Variants in MRPS31 observed in about 807,000 individuals in gnomAD.
The protein encoded by MRPS31 is small ribosomal subunit protein mS31.
In MRPS31, 32 loss-of-function variants were observed where a neutral mutation model predicts 43.1. The ratio of observed to expected loss-of-function variants is 0.74; its 90% CI spans 0.56 to 1.00. MRPS31 has a LOEUF of 1.00. MRPS31 is among the 50% of genes least tolerant of loss of function. MRPS31 has a pLI of 0.00. For synonymous variants in MRPS31, 165 were observed against 161.6 expected, an observed-to-expected ratio of 1.02 and a Z score of -0.16; for missense variants, 437 against 466.7, an observed-to-expected ratio of 0.94 and a Z score of 0.59.
At chr13:40,764,550 G>A (rs960505513) in intron 2 of MRPS31, among the ~76,000 whole-genome samples, 6 of 152,010 alleles carry the variant, frequency 3.9e-5, no homozygotes, top group South Asian at 2.1e-4. Flanking sequence ...GGGTAAACAC[G>A]GTAATGTCCA....
intron 6 of MRPS31, among the ~76,000 whole-genome samples, chr13:40,735,356 G>T (rs1879861288): frequency 6.6e-6 from 1 of 152,210 alleles, no homozygotes; most frequent in African/African-American, 2.4e-5. Flanking sequence ...GCTGCGGGAG[G>T]GGCGCCCACC....
intron 6 of MRPS31, among the ~76,000 whole-genome samples, chr13:40,737,162 A>C (rs1314243761): frequency 6.6e-6 from 1 of 150,572 alleles, no homozygotes; most frequent in Non-Finnish European, 1.5e-5. Context: ...CTTTAAACCA[A>C]CAAAGATCAA....
At chr13:40,751,158 G>A (rs1880380771) in intron 5 of MRPS31, among the ~76,000 whole-genome samples, 1 of 152,038 alleles carries the variant, frequency 6.6e-6, no homozygotes, top group Non-Finnish European at 1.5e-5. Context: ...ATCTGATACT[G>A]GGAAACAATC....
intron 6 of MRPS31, among the ~76,000 whole-genome samples, chr13:40,741,742 T>C (rs1032934072): frequency 6.6e-6 from 1 of 152,176 alleles, no homozygotes; most frequent in Non-Finnish European, 1.5e-5. Flanking sequence ...GGATCTACTA[T>C]AGCTCCATCA....
intron 6 of MRPS31, among the ~76,000 whole-genome samples, chr13:40,745,280 T>G (rs1334723056): frequency 6.6e-6 from 1 of 152,130 alleles, no homozygotes; most frequent in Non-Finnish European, 1.5e-5. Context: ...GAGACGGAGT[T>G]TCACTCTTGT....
intron 6 of MRPS31, among the ~76,000 whole-genome samples, chr13:40,740,843 G>A (rs1201408771): frequency 2.7e-5 from 4 of 147,884 alleles, no homozygotes; most frequent in Admixed American, 6.8e-5. Context: ...GCTAGATGAC[G>A]AGTTAGTGGG....
rs35658794 is a variant in MRPS31, at chr13:40,768,439, A to ATT, written c.153-1408_153-1407dup. Among the ~76,000 whole-genome samples the ATT allele has an allele frequency of 6.3e-4, 93 of 148,550 alleles. 1 individual carries two copies. Among genetic ancestry groups the ATT allele is most frequent in the Admixed American group, 2.5e-3 (37 of 14,938 alleles). On this transcript the variant is annotated intron_variant, in intron 1 of 6. Coordinates refer to ENST00000323563, the MANE Select transcript of MRPS31 (RefSeq NM_005830.4). ...CTGGAAGTCTTTAATATGCATAAAA[A>ATT]TTTTTTTTTTTTGAGACAGGGCCTC...
intron 6 of MRPS31, among the ~76,000 whole-genome samples, chr13:40,739,475 C>T (rs1287699174): frequency 7.9e-5 from 12 of 152,064 alleles, no homozygotes; most frequent in African/African-American, 2.2e-4. Flanking sequence ...GAGCCCACAT[C>T]GCCAAGTCAA....
chr13:40,745,624 C>T (rs536199575), intron 6 of MRPS31, among the ~76,000 whole-genome samples: 1 of 152,290 alleles, frequency 6.6e-6, no homozygotes, highest in Admixed American at 6.5e-5. Flanking sequence ...TTTTCTCCTA[C>T]ACTGTGGCTT....
Position 40,771,147 on chromosome 13 carries a change from C to T in MRPS31, c.-11G>A, listed in dbSNP as rs1881002921. The stretch of plus-strand genomic sequence containing the variant: ...GACTCTAGGAAACATCGCCGAGACA[C>T]GAAATGAACCAAGAACACAACTGAA... On this transcript the variant is annotated 5_prime_UTR_variant, in exon 1 of 7. In the 5' UTR this introduces an upstream ATG that the reference lacks. Coordinates refer to ENST00000323563, the MANE Select transcript of MRPS31 (RefSeq NM_005830.4). 6.3e-7 allele frequency: 1 copy of T among 1,592,842 alleles called. No individual in the cohort carries two copies. Among genetic ancestry groups the T allele is most frequent in the Non-Finnish European group, 8.6e-7 (1 of 1,167,652 alleles).
At chr13:40,748,717 T>C (rs888993031) in intron 6 of MRPS31, among the ~76,000 whole-genome samples, 3 of 152,244 alleles carry the variant, frequency 2.0e-5, no homozygotes, top group African/African-American at 7.2e-5. Flanking sequence ...ACCTCATTAA[T>C]GCAATGGTTT....
intron 6 of MRPS31, 100 bp downstream of exon 6, chr13:40,749,038 G>C: frequency 1.7e-6 from 2 of 1,197,418 alleles, no homozygotes; most frequent in South Asian, 3.3e-5. Flanking sequence ...ATCCACAAAA[G>C]GTTTTGAAAT....
In MRPS31 at chr13:40,732,945, GA is replaced by G. The variant is rs908540105; in HGVS notation, c.959-3345del. On this transcript the variant is annotated intron_variant, in intron 6 of 6. Coordinates refer to ENST00000323563, the MANE Select transcript of MRPS31 (RefSeq NM_005830.4). Reference sequence around the variant, plus strand: ...ACGCCTGTAATCTCAACACTTTGGGGAAAAAAAATCTAACACTAAAAAGAAG... The same window carrying G: ...ACGCCTGTAATCTCAACACTTTGGGGAAAAAAATCTAACACTAAAAAGAAG... Among the ~76,000 whole-genome samples the G allele has an allele frequency of 2.0e-5, 3 of 147,386 alleles. No individual in the cohort carries two copies. In the East Asian group the frequency reaches 5.9e-4, roughly 29 times the overall value.
At chr13:40,757,942 A>C (rs560010892) in intron 3 of MRPS31, among the ~76,000 whole-genome samples, 50 of 149,912 alleles carry the variant, frequency 3.3e-4, no homozygotes, top group Non-Finnish European at 5.9e-4. Flanking sequence ...GGAGATCCAG[A>C]CCATCCTGGC....
At chr13:40,762,148 C>T (rs1341588398) in intron 2 of MRPS31, among the ~76,000 whole-genome samples, 1 of 151,514 alleles carries the variant, frequency 6.6e-6, no homozygotes, top group Admixed American at 6.6e-5. Context: ...CGGGAGGCTG[C>T]GGTGGGAGGA....
At chr13:40,754,153 T>G (rs1880467112) in intron 4 of MRPS31, 61 bp from the exon 5 acceptor site, 1 of 890,854 alleles carries the variant, frequency 1.1e-6, no homozygotes, top group African/African-American at 1.7e-5. Context: ...CAACAAAAAC[T>G]ATGAGAAAAT....
chr13:40,736,305 T>C (rs1187494073), intron 6 of MRPS31, among the ~76,000 whole-genome samples: 2 of 152,096 alleles, frequency 1.3e-5, no homozygotes, highest in African/African-American at 4.8e-5. Flanking sequence ...CTACGTCTGA[T>C]TGGTGTACCT....
At chr13:40,762,730 C>A (rs1022724812) in intron 2 of MRPS31, among the ~76,000 whole-genome samples, 3 of 146,468 alleles carry the variant, frequency 2.0e-5, no homozygotes, top group Non-Finnish European at 4.4e-5. Context: ...CCTGGCCCAA[C>A]TCCATCACTC....
At chr13:40,735,485 G>C (rs1360362899) in intron 6 of MRPS31, among the ~76,000 whole-genome samples, 3 of 152,064 alleles carry the variant, frequency 2.0e-5, no homozygotes, top group Non-Finnish European at 4.4e-5. Context: ...GCAGGGCGCA[G>C]ACAAACAAAA....
Sources: gnomAD v4.1 joint callset for allele counts (sites outside exome capture counted in the v4.1 genomes callset) on GRCh38, gnomAD v4.1.1 for gene constraint, MANE v1.5 for transcripts, NCBI Gene and HGNC (gene_info 2026-07-23, HGNC 2026-07-21) for gene names.